The following XIRP2 variants were observed in gnomAD, a reference collection of about 807,000 sequenced individuals.
XIRP2 encodes the protein xin actin binding repeat containing 2.
In XIRP2, 236 loss-of-function variants were observed where a neutral mutation model predicts 277.0. The ratio of observed to expected loss-of-function variants is 0.85; its 90% confidence interval spans 0.77 to 0.95. The LOEUF (loss-of-function observed/expected upper bound fraction) is 0.95, where lower values mean the gene tolerates loss of function less well. Ranked by LOEUF, XIRP2 falls within the 40% of genes least tolerant of loss-of-function variation. The probability of loss-of-function intolerance (pLI) is 0.00; values close to 1 mark genes in which losing one functional copy is unlikely to be tolerated. For synonymous variants in XIRP2, 1,490 were observed against 1,416.5 expected, an observed-to-expected ratio of 1.05 and a Z score of -1.17; for missense variants, 4,640 against 4,157.5, an observed-to-expected ratio of 1.12 and a Z score of -3.19.
intron 2 of XIRP2, among the ~76,000 whole-genome samples, chr2:167,046,549 A>G (rs1384234510): frequency 6.6e-6 from 1 of 152,034 alleles, no homozygotes; most frequent in African/African-American, 2.4e-5. Flanking sequence ...TGGACTGCAT[A>G]AAGAAAATGT....
chr2:167,249,265 T>G lies in XIRP2; in HGVS notation c.7873T>G (p.Ser2625Ala). ...QSNARILGVC[S>A]DNQLSTTSPE... ...TAATGCTCGGATACTAGGAGTGTGT[T>G]CTGATAACCAACTCTCCACAACATC... is the stretch of plus-strand genomic sequence containing the variant. The change falls in exon 9 of 11, where the codon TCT (serine) becomes GCT (alanine). Residue 2625 changes from serine (S) to alanine (A), a missense_variant. Physicochemically the swap from Ser to Ala is moderately conservative, Grantham distance 99 (BLOSUM62 1). Transcript: ENST00000409195. 6.2e-7 allele frequency: 1 copy of G among 1,613,864 alleles called. No homozygotes were observed. Among genetic ancestry groups the G allele is most frequent in the Non-Finnish European group, 8.5e-7 (1 of 1,179,830 alleles).
chr2:166,891,982 C>T (rs1279020748), intron 1 of XIRP2, among the ~76,000 whole-genome samples: 1 of 152,114 alleles, frequency 6.6e-6, no homozygotes, highest in Admixed American at 6.6e-5. Flanking sequence ...TAGTTTGAAC[C>T]TTCAGCTTGC....
Position 167,141,417 on chromosome 2 carries a change from C to A in XIRP2, c.562+5355C>A, listed in dbSNP as rs191366648. Among the ~76,000 whole-genome samples, 24 of 152,138 alleles carry A rather than the reference C, an allele frequency of 1.6e-4. No individual in the cohort carries two copies. In the East Asian group the frequency reaches 4.6e-3, roughly 29 times the overall value. ...CCTGCCCATGGAGCATATTTTCTAA[C>A]AGGAGATCATACATTGGATGAAAAA... On this transcript the variant is annotated intron_variant, in intron 3 of 10. Coordinates refer to ENST00000409195, the MANE Select transcript of XIRP2 (RefSeq NM_152381.6).
At chr2:166,915,806 T>C (rs1402190598) in intron 2 of XIRP2, among the ~76,000 whole-genome samples, 2 of 152,238 alleles carry the variant, frequency 1.3e-5, no homozygotes, top group Admixed American at 1.3e-4. Flanking sequence ...CTCACTGATA[T>C]AATCAGGTTG....
At position 167,244,342 on chromosome 2, in the gene XIRP2, G is replaced by T; in HGVS notation, c.2950G>T (p.Glu984Ter). Residue 984 changes from glutamate to a stop codon, truncating the protein, a stop_gained, in exon 9 of 11, where the codon GAG (glutamate) becomes TAG (stop). Coordinates refer to ENST00000409195, the MANE Select transcript of XIRP2 (RefSeq NM_152381.6). LOFTEE classifies it high-confidence loss of function. ...TGTAGAGTTAAATAAATCTCTCTTC[G>T]AGACAACACCACTGTATGCCATTCA... is the stretch of plus-strand genomic sequence containing the variant. ...GAVELNKSLF[E>*]TTPLYAIQDP... is the part of the protein sequence containing the mutation. 6.2e-7 allele frequency: 1 copy of T among 1,613,608 alleles called. No individual in the cohort carries two copies. Among genetic ancestry groups the T allele is most frequent in the South Asian group, 1.1e-5 (1 of 91,010 alleles).
At chr2:167,242,322 T>G (rs891070108) in intron 8 of XIRP2, among the ~76,000 whole-genome samples, 2 of 152,182 alleles carry the variant, frequency 1.3e-5, no homozygotes, top group Non-Finnish European at 1.5e-5. Flanking sequence ...TGTGTAAATT[T>G]TAAAATATTG....
At chr2:167,175,065 G>C (rs528473882) in intron 3 of XIRP2, among the ~76,000 whole-genome samples, 2 of 152,188 alleles carry the variant, frequency 1.3e-5, no homozygotes, top group African/African-American at 4.8e-5. Context: ...CTGTTGATTT[G>C]GGGTGGAGAG....
Position 167,246,483 on chromosome 2 carries a change from A to G in XIRP2, c.5091A>G (p.Glu1697=). The G allele has an allele frequency of 1.2e-6, 2 of 1,613,750 alleles. No homozygotes were observed. The highest frequency in any genetic ancestry group is 2.2e-5 in the South Asian group (2 of 91,050). The change falls in exon 9 of 11, where the codon GAA becomes GAG. Residue 1697 remains glutamate, a synonymous_variant. Coordinates refer to ENST00000409195, the MANE Select transcript of XIRP2 (RefSeq NM_152381.6). The part of the protein sequence containing the change: ...INMTIYCLLH[E]NDGDTIEREE... ...TGACTATCTATTGTCTTCTTCATGA[A>G]AATGATGGTGACACAATTGAGCGTG...
At chr2:166,908,087 G>A (rs996018322) in intron 2 of XIRP2, among the ~76,000 whole-genome samples, 6 of 152,122 alleles carry the variant, frequency 3.9e-5, no homozygotes, top group Non-Finnish European at 7.3e-5. Context: ...GTGTGCATAT[G>A]TCTTTATAGC....
chr2:166,894,635 T>C (rs1035631997), intron 1 of XIRP2, among the ~76,000 whole-genome samples: 8 of 152,176 alleles, frequency 5.3e-5, no homozygotes, highest in African/African-American at 1.7e-4. Context: ...TGATGGGTTA[T>C]AGTGAAAACC....
At chr2:167,153,651 G>A (rs1437208887) in intron 3 of XIRP2, among the ~76,000 whole-genome samples, 17 of 151,564 alleles carry the variant, frequency 1.1e-4, no homozygotes, top group Non-Finnish European at 2.2e-4. Flanking sequence ...GAGTGAGAAT[G>A]TACGGTGTTT....
rs774562512 is a variant in XIRP2 at position 167,246,037 on chromosome 2, G to A, written c.4645G>A (p.Gly1549Ser). ...TAGAGTAGAAAAGATAGAAATTATT[G>A]GCAAGAGCATTAAAGAAACCTTAGA... ...ETRVEKIEII[G>S]KSIKETLEDL... Residue 1549 changes from glycine (G) to serine (S), a missense_variant, in exon 9 of 11, where the codon GGC (glycine) becomes AGC (serine). Transcript: ENST00000409195. 6.2e-7 allele frequency: 1 copy of A among 1,613,350 alleles called. No individual in the cohort carries two copies.
Position 166,995,727 on chromosome 2 carries a change from T to G in XIRP2, c.408+91837T>G, listed in dbSNP as rs75878937. 2.2e-3 allele frequency among the ~76,000 whole-genome samples: 336 copies of G among 152,330 alleles called. 2 individuals carry two copies. Among genetic ancestry groups the G allele is most frequent in the African/African-American group, 7.8e-3 (323 of 41,578 alleles). ...TCAAACACAAATTTCTTAGCAGGTG[T>G]AGAGCATTACTGACCTTTTAAGCTG... On this transcript the variant is annotated intron_variant, in intron 2 of 10. Transcript: ENST00000409195.
chr2:167,189,482 C>T (rs1693261461), intron 3 of XIRP2, among the ~76,000 whole-genome samples: 1 of 152,138 alleles, frequency 6.6e-6, no homozygotes, highest in African/African-American at 2.4e-5. Context: ...TTGTTTCCCA[C>T]CTCCTCTTAT....
chr2:166,982,986 GCTGGCTGTTTGAGT>G (rs1266310127), intron 2 of XIRP2, among the ~76,000 whole-genome samples: 4 of 152,128 alleles, frequency 2.6e-5, no homozygotes, highest in African/African-American at 9.7e-5. Flanking sequence ...ATATACTAGT[GCTGGCTGTTTGAGT>G]CTTGGCTATT....
chr2:167,178,575 T>C (rs1692919993), intron 3 of XIRP2, among the ~76,000 whole-genome samples: 1 of 152,168 alleles, frequency 6.6e-6, no homozygotes, highest in Non-Finnish European at 1.5e-5. Flanking sequence ...TTCACAGCAT[T>C]TAATTAATAC....
At chr2:167,185,583 T>C (rs1004943873) in intron 3 of XIRP2, among the ~76,000 whole-genome samples, 2 of 151,936 alleles carry the variant, frequency 1.3e-5, no homozygotes, top group Non-Finnish European at 2.9e-5. Context: ...GATCTTTGAG[T>C]AATTAACAAC....
rs1431613915 is a variant in XIRP2, at chr2:167,241,888, C to G, written c.1154C>G (p.Thr385Arg). 6 of 1,612,902 alleles carry G rather than the reference C, an allele frequency of 3.7e-6. No individual in the cohort carries two copies. The South Asian group carries it at 6.6e-5, about 18-fold the overall frequency. Reference sequence around the variant, plus strand: ...ATCCTTTATTCTGACAAAGAGATGACAACCCCAGCCAAGCAGATTAAGGTA... The same window carrying G: ...ATCCTTTATTCTGACAAAGAGATGAGAACCCCAGCCAAGCAGATTAAGGTA... ...EKILYSDKEM[T>R]TPAKQIKTES... The change falls in exon 8 of 11, where the codon ACA (threonine) becomes AGA (arginine). Residue 385 changes from threonine to arginine, a missense_variant. By Grantham distance (71) the Thr-to-Arg change is moderately conservative. Coordinates refer to ENST00000409195, the MANE Select transcript of XIRP2 (RefSeq NM_152381.6).
chr2:167,000,833 A>T (rs1558942705), intron 2 of XIRP2, among the ~76,000 whole-genome samples: 1 of 152,196 alleles, frequency 6.6e-6, no homozygotes, highest in Non-Finnish European at 1.5e-5. Context: ...AAAAAATTAA[A>T]ATTTCCTTCC....
Sources: gnomAD v4.1 joint callset for allele counts (sites outside exome capture counted in the v4.1 genomes callset) on GRCh38, gnomAD v4.1.1 for gene constraint, MANE v1.5 for transcripts, NCBI Gene and HGNC (gene_info 2026-07-23, HGNC 2026-07-21) for gene names.